The following ZNF804B variants were observed in gnomAD, a reference collection of about 807,000 sequenced individuals.
ZNF804B encodes zinc finger 804B.
Under a neutral mutation model 101.4 loss-of-function variants are expected in ZNF804B, and 80 were observed. The ratio of observed to expected loss-of-function variants is 0.79; its 90% CI spans 0.66 to 0.95. The LOEUF is 0.95. ZNF804B is among the 40% of genes least tolerant of loss of function. The pLI is 0.00. For synonymous variants in ZNF804B, 622 were observed against 558.8 expected (o/e 1.11, Z -1.59); for missense variants, 1,673 against 1,561.9 (o/e 1.07, Z -1.20).
Position 89,335,615 on chromosome 7 carries a change from C to T in ZNF804B, c.2633C>T (p.Pro878Leu). The change falls in exon 4 of 4, where the codon CCT (proline) becomes CTT (leucine). Residue 878 changes from proline (P) to leucine (L), a missense_variant. By Grantham distance (98) the Pro-to-Leu change is moderately conservative. Coordinates refer to ENST00000333190, the MANE Select transcript of ZNF804B (RefSeq NM_181646.5). ...AGAAATCAAGAGTCTTTGGGCAGCC[C>T]TCACATTTGTGATCTGGGAAAAGTC... ...SKRNQESLGS[P>L]HICDLGKVRP... is the part of the protein sequence containing the mutation. 1.2e-6 allele frequency: 2 copies of T among 1,613,934 alleles called. No individual in the cohort carries two copies. Among genetic ancestry groups the T allele is most frequent in the Non-Finnish European group, 1.7e-6 (2 of 1,179,948 alleles).
chr7:88,913,688 G>A (rs897658861), intron 1 of ZNF804B, among the ~76,000 whole-genome samples: 2 of 152,086 alleles, frequency 1.3e-5, no homozygotes, highest in Non-Finnish European at 2.9e-5. Flanking sequence ...GAGCCACCAC[G>A]ACTGGCCAGA....
intron 1 of ZNF804B, among the ~76,000 whole-genome samples, chr7:89,096,218 G>C (rs1789970526): frequency 6.6e-6 from 1 of 151,750 alleles, no homozygotes; most frequent in Admixed American, 6.6e-5. Context: ...TCTATGGTGT[G>C]ACTAGACAAG....
At chr7:89,279,149 G>C (rs1790038143) in intron 2 of ZNF804B, among the ~76,000 whole-genome samples, 1 of 152,062 alleles carries the variant, frequency 6.6e-6, no homozygotes, top group Admixed American at 6.6e-5. Flanking sequence ...TTGGCTTTCT[G>C]TTTGTCTGTT....
chr7:89,194,802 T>C (rs1788519883), intron 1 of ZNF804B, among the ~76,000 whole-genome samples: 1 of 151,216 alleles, frequency 6.6e-6, no homozygotes, highest in Non-Finnish European at 1.5e-5. Flanking sequence ...GCGGGCTCTT[T>C]TTTGCTTCCA....
intron 1 of ZNF804B, among the ~76,000 whole-genome samples, chr7:89,127,323 A>C (rs1562891441): frequency 6.6e-6 from 1 of 151,804 alleles, no homozygotes; most frequent in African/African-American, 2.4e-5. Flanking sequence ...TTTTTCAACT[A>C]TTTTTCTTCT....
chr7:88,817,441 G>A (rs577502609), intron 1 of ZNF804B, among the ~76,000 whole-genome samples: 14 of 120,252 alleles, frequency 1.2e-4, no homozygotes, highest in Non-Finnish European at 2.2e-4. Context: ...TAGGCAGTTA[G>A]CGCTACCAAC....
At chr7:88,854,459 C>CTT (rs1195733690) in intron 1 of ZNF804B, among the ~76,000 whole-genome samples, 1 of 113,010 alleles carries the variant, frequency 8.8e-6, no homozygotes, top group African/African-American at 4.0e-5. Context: ...TTCTTTCTTT[C>CTT]TTTCTTTCTT....
chr7:88,930,370 C>A (rs1414294155), intron 1 of ZNF804B, among the ~76,000 whole-genome samples: 1 of 151,866 alleles, frequency 6.6e-6, no homozygotes, highest in Non-Finnish European at 1.5e-5. Context: ...TCACAAACAG[C>A]CAGCTAAACC....
intron 2 of ZNF804B, among the ~76,000 whole-genome samples, chr7:89,276,237 A>G (rs1304336069): frequency 6.6e-6 from 1 of 151,766 alleles, no homozygotes; most frequent in African/African-American, 2.4e-5. Context: ...TACTTAGGTG[A>G]TGGGTTGATA....
At chr7:88,792,878 A>T (rs1214718230) in intron 1 of ZNF804B, among the ~76,000 whole-genome samples, 2 of 152,038 alleles carry the variant, frequency 1.3e-5, no homozygotes, top group Admixed American at 1.3e-4. Context: ...TCTTCCCTAA[A>T]ATTTGATTCT....
intron 1 of ZNF804B, among the ~76,000 whole-genome samples, chr7:89,093,788 G>C (rs898703034): frequency 9.9e-5 from 15 of 152,228 alleles, no homozygotes; most frequent in Non-Finnish European, 2.1e-4. Context: ...GGTATAGAAA[G>C]GTCCAATTAT....
At chr7:88,796,195 T>C (rs547687000) in intron 1 of ZNF804B, among the ~76,000 whole-genome samples, 2 of 152,222 alleles carry the variant, frequency 1.3e-5, no homozygotes, top group East Asian at 3.9e-4. Context: ...TTCTAAACAG[T>C]AATTTTAAAA....
chr7:88,921,591 A>G (rs891668337), intron 1 of ZNF804B, among the ~76,000 whole-genome samples: 15 of 152,206 alleles, frequency 9.9e-5, no homozygotes, highest in African/African-American at 2.6e-4. Context: ...TAAACCATGG[A>G]CCACCTAATA....
In ZNF804B at chr7:89,067,444, C is replaced by T. The variant is rs562526386; in HGVS notation, c.109-150711C>T. On this transcript the variant is annotated intron_variant, in intron 1 of 3. Transcript: ENST00000333190. The stretch of plus-strand genomic sequence containing the variant: ...ATGTACAAACTCCTTAACAGCAGCA[C>T]CTCAGTTTGTGTCTGATTGAGTCAC... Among the ~76,000 whole-genome samples, 5 of 152,262 alleles carry T rather than the reference C, an allele frequency of 3.3e-5. No homozygotes were observed. In the Middle Eastern group the frequency reaches 0.017, roughly 518 times the overall value.
chr7:89,220,579 C>T (rs1788989000), intron 2 of ZNF804B, among the ~76,000 whole-genome samples: 1 of 151,836 alleles, frequency 6.6e-6, no homozygotes, highest in South Asian at 2.1e-4. Flanking sequence ...TATTTTGAAG[C>T]AAGTGCCAGA....
chr7:89,089,060 T>C (rs1789847013), intron 1 of ZNF804B, among the ~76,000 whole-genome samples: 1 of 150,618 alleles, frequency 6.6e-6, no homozygotes, highest in African/African-American at 2.4e-5. Context: ...TTTTTTTCTT[T>C]TTTTTTTTTT....
At chr7:89,085,385 C>G (rs2116318161) in intron 1 of ZNF804B, among the ~76,000 whole-genome samples, 1 of 152,040 alleles carries the variant, frequency 6.6e-6, no homozygotes. Flanking sequence ...GGGCAGAACT[C>G]TTTTTCCTCC....
At chr7:89,170,300 G>A (rs1791204334) in intron 1 of ZNF804B, among the ~76,000 whole-genome samples, 1 of 152,070 alleles carries the variant, frequency 6.6e-6, no homozygotes, top group Admixed American at 6.6e-5. Context: ...TTATGTCATG[G>A]CCCAAATTGA....
At chr7:89,210,805 T>TGGTATGC (rs1788791542) in intron 1 of ZNF804B, among the ~76,000 whole-genome samples, 1 of 152,190 alleles carries the variant, frequency 6.6e-6, no homozygotes, top group South Asian at 2.1e-4. Context: ...GCAATGAACA[T>TGGTATGC]GGTATGCGTG....
Sources: allele counts gnomAD v4.1 joint callset (sites outside exome capture counted in the v4.1 genomes callset), GRCh38; gene constraint gnomAD v4.1.1; transcripts MANE v1.5; gene names NCBI Gene and HGNC (gene_info 2026-07-23, HGNC 2026-07-21).